The following NCAM1 variants were observed in gnomAD, a reference collection of about 807,000 sequenced individuals.
NCAM1 encodes antigen recognized by monoclonal antibody 5.1H11.
A neutral mutation model predicts 109.8 loss-of-function variants in NCAM1; 14 were observed. That is an observed-to-expected ratio of 0.13 (90% CI 0.08 to 0.20). The LOEUF (loss-of-function observed/expected upper bound fraction) is 0.20. Among genes scored for constraint, NCAM1 ranks in the 10% least tolerant of loss-of-function variants. The pLI, the probability that NCAM1 is intolerant of heterozygous loss-of-function variation, is 1.00. For synonymous variants in NCAM1, 418 were observed against 442.9 expected (o/e 0.94, Z 0.70); for missense variants, 774 against 1,109.9 (o/e 0.70, Z 4.30).
At chr11:113,117,233 C>G (rs1034946349) in intron 1 of NCAM1, among the ~76,000 whole-genome samples, 3 of 152,038 alleles carry the variant, frequency 2.0e-5, no homozygotes, top group Admixed American at 1.3e-4. Flanking sequence ...ACATCAGAAG[C>G]AAAACCCAAG....
chr11:113,192,472 C>A (rs1165555788), intron 1 of NCAM1, among the ~76,000 whole-genome samples: 3 of 152,134 alleles, frequency 2.0e-5, no homozygotes, highest in African/African-American at 7.2e-5. Context: ...TTAAAAAGTG[C>A]CCCTGGGGTT....
intron 1 of NCAM1, among the ~76,000 whole-genome samples, chr11:113,140,053 C>A (rs1199165829): frequency 6.6e-6 from 1 of 152,172 alleles, no homozygotes; most frequent in Non-Finnish European, 1.5e-5. Context: ...ATTTGCAGAG[C>A]ACAAATTAGA....
At chr11:113,069,797 G>A (rs1389360231) in intron 1 of NCAM1, among the ~76,000 whole-genome samples, 1 of 152,180 alleles carries the variant, frequency 6.6e-6, no homozygotes, top group Non-Finnish European at 1.5e-5. Context: ...GTAGACGGGA[G>A]GGAGAAAGGA....
In NCAM1 at chr11:113,132,405, C is replaced by T. The variant is rs1470310219; in HGVS notation, c.53-69974C>T. Among the ~76,000 whole-genome samples the T allele has an allele frequency of 2.6e-5, 4 of 152,156 alleles. No homozygotes were observed. The South Asian group carries it at 6.2e-4, about 24-fold the overall frequency. On this transcript the variant is annotated intron_variant, in intron 1 of 19. Transcript: ENST00000316851. ...CAGGTTCCTTCAATTCACATCTGTT[C>T]AGTCCTGCCTCAGCTCTAGATAATG... is the stretch of plus-strand genomic sequence containing the variant.
intron 3 of NCAM1, 98 bp downstream of exon 3, chr11:113,204,602 G>C: frequency 1.6e-6 from 2 of 1,223,572 alleles, no homozygotes; most frequent in Non-Finnish European, 2.3e-6. Flanking sequence ...AGGACCAGCT[G>C]AGGGCCTAAC....
At chr11:113,021,758 A>G (rs946647059) in intron 1 of NCAM1, among the ~76,000 whole-genome samples, 4 of 152,238 alleles carry the variant, frequency 2.6e-5, no homozygotes, top group African/African-American at 9.6e-5. Context: ...ATAGTATTAC[A>G]AGAAATTTTT....
chr11:113,075,333 G>A (rs371082690), intron 1 of NCAM1, among the ~76,000 whole-genome samples: 1 of 152,136 alleles, frequency 6.6e-6, no homozygotes, highest in Admixed American at 6.5e-5. Flanking sequence ...GCCTCCTAAA[G>A]TGCTGAGATT....
chr11:113,248,420 G>A (rs1945564804), intron 15 of NCAM1, among the ~76,000 whole-genome samples: 1 of 152,008 alleles, frequency 6.6e-6, no homozygotes, highest in African/African-American at 2.4e-5. Context: ...AGAGAATGAA[G>A]AGGTCAGGGC....
intron 1 of NCAM1, among the ~76,000 whole-genome samples, chr11:113,014,366 C>T (rs1952153769): frequency 6.6e-6 from 1 of 152,004 alleles, no homozygotes; most frequent in South Asian, 2.1e-4. Context: ...TGCAGAGGGC[C>T]AGGGGGACTT....
chr11:113,142,105 C>T (rs2136205204), intron 1 of NCAM1, among the ~76,000 whole-genome samples: 1 of 152,250 alleles, frequency 6.6e-6, no homozygotes, highest in East Asian at 1.9e-4. Flanking sequence ...ACTGTGACTA[C>T]CACTTATTGG....
chr11:113,263,599 A>G (rs1215595130), intron 17 of NCAM1: 1 of 985,314 alleles, frequency 1.0e-6, no homozygotes, highest in Non-Finnish European at 1.2e-6. Context: ...AGCACCTTAC[A>G]CTGTCTCTGT....
At chr11:113,119,325 T>A (rs1165350412) in intron 1 of NCAM1, among the ~76,000 whole-genome samples, 1 of 152,096 alleles carries the variant, frequency 6.6e-6, no homozygotes, top group Non-Finnish European at 1.5e-5. Flanking sequence ...GCCGATGATA[T>A]CCATGGAGCA....
intron 8 of NCAM1, among the ~76,000 whole-genome samples, chr11:113,217,135 C>T (rs991745974): frequency 2.6e-5 from 4 of 152,190 alleles, no homozygotes; most frequent in Non-Finnish European, 4.4e-5. Flanking sequence ...ATGCTAAAAT[C>T]ATAGATGTTC....
chr11:113,103,962 T>C (rs996615566), intron 1 of NCAM1, among the ~76,000 whole-genome samples: 3 of 152,156 alleles, frequency 2.0e-5, no homozygotes, highest in African/African-American at 7.2e-5. Flanking sequence ...TTTAATTTTC[T>C]TGTAGCTACA....
chr11:112,969,879 A>G (rs1950828744), intron 1 of NCAM1, among the ~76,000 whole-genome samples: 1 of 152,218 alleles, frequency 6.6e-6, no homozygotes, highest in Admixed American at 6.5e-5. Context: ...AGAAATCATG[A>G]AAGATATTAT....
chr11:113,273,210 C>T lies in NCAM1; in HGVS notation c.2456+1334C>T. On this transcript the variant is annotated intron_variant, in intron 19 of 19. Coordinates refer to ENST00000316851, the MANE Select transcript of NCAM1 (RefSeq NM_181351.5). This position sits in a 1 kb window ranked among gnomAD's most constrained non-coding sequence, Gnocchi z 6.0. ...CCCCAAGGTCGCCCCCCTCGTTGAC[C>T]TGAGCGACACCCCGACCTCAACCCC... 1 of 376,492 alleles carries T rather than the reference C, an allele frequency of 2.7e-6. No homozygotes were observed. The highest frequency in any genetic ancestry group is 5.3e-6 in the Non-Finnish European group (1 of 188,744). 23.3% of individuals were successfully genotyped at this position (376,492 alleles called of 1,614,324 possible). A position where few individuals can be genotyped will look rare whatever the true frequency, so the allele number is the denominator to read the frequency against.
At chr11:113,082,257 C>G (rs1442901739) in intron 1 of NCAM1, among the ~76,000 whole-genome samples, 2 of 152,282 alleles carry the variant, frequency 1.3e-5, no homozygotes, top group African/African-American at 4.8e-5. Flanking sequence ...ACAGATTGTT[C>G]CCGCATACTC....
chr11:113,008,138 C>T (rs1250198589), intron 1 of NCAM1, among the ~76,000 whole-genome samples: 3 of 152,024 alleles, frequency 2.0e-5, no homozygotes, highest in Non-Finnish European at 4.4e-5. Context: ...GCTGAAAGTC[C>T]CTCTTCTTCA....
chr11:112,961,728 G>A (rs1445845574), intron 1 of NCAM1, 64 bp downstream of exon 1: 1 of 1,036,146 alleles, frequency 9.7e-7, no homozygotes, highest in African/African-American at 1.6e-5. Context: ...CCTACTCCTA[G>A]GAGGAACGCT....
Sources: allele counts gnomAD v4.1 joint callset (sites outside exome capture counted in the v4.1 genomes callset), GRCh38; gene constraint gnomAD v4.1.1; non-coding constraint Gnocchi (gnomAD v3.1); transcripts MANE v1.5; gene names NCBI Gene and HGNC (gene_info 2026-07-23, HGNC 2026-07-21).